SPHKAP: variants seen among roughly 807,000 people sequenced by gnomAD.
SPHKAP encodes the protein A-kinase anchor protein SPHKAP.
In SPHKAP, 67 loss-of-function variants were observed where a neutral mutation model predicts 137.5. The ratio of observed to expected loss-of-function variants is 0.49; its 90% CI spans 0.40 to 0.60. The LOEUF (loss-of-function observed/expected upper bound fraction) is 0.60. Ranked by LOEUF, SPHKAP falls within the 20% of genes least tolerant of loss-of-function variation. The pLI is 0.00. For missense variants in SPHKAP, 2,097 were observed against 2,069.3 expected (o/e 1.01, Z -0.26); for synonymous variants, 813 against 785.3 (o/e 1.04, Z -0.59).
rs181554757 is a variant in SPHKAP, at chr2:228,001,250, C to T, written c.4449-5556G>A. Among the ~76,000 whole-genome samples the T allele has an allele frequency of 5.1e-3, 504 of 98,022 alleles. 2 individuals carry two copies. Among genetic ancestry groups the T allele is most frequent in the South Asian group, 0.031 (75 of 2,398 alleles). 64.3% of individuals were successfully genotyped at this position (98,022 alleles called of 152,430 possible). A position where few individuals can be genotyped will look rare whatever the true frequency, so the allele number is the denominator to read the frequency against. ...ATAAACATATATATATATATATATA[C>T]ACACACACACACATATATAAATATA... On this transcript the variant is annotated intron_variant, in intron 7 of 11. Transcript: ENST00000392056.
At chr2:228,020,656 T>G (rs1022386716) in intron 6 of SPHKAP, among the ~76,000 whole-genome samples, 1 of 152,154 alleles carries the variant, frequency 6.6e-6, no homozygotes, top group South Asian at 2.1e-4. Context: ...ACATGGCACA[T>G]GTATACATAT....
intron 1 of SPHKAP, among the ~76,000 whole-genome samples, chr2:228,139,173 T>C (rs1399174551): frequency 1.3e-5 from 2 of 152,160 alleles, no homozygotes; most frequent in Admixed American, 1.3e-4. Flanking sequence ...TTTGTAAATA[T>C]CAACAGCGGA....
chr2:228,159,027 C>A (rs1424980305), intron 1 of SPHKAP, among the ~76,000 whole-genome samples: 1 of 152,096 alleles, frequency 6.6e-6, no homozygotes, highest in African/African-American at 2.4e-5. Context: ...GAAACCAAGA[C>A]TGAGGGATGA....
chr2:228,136,906 A>C lies in SPHKAP; in HGVS notation c.33-4821T>G, dbSNP rs564648628. On this transcript the variant is annotated intron_variant, in intron 1 of 11. Transcript: ENST00000392056. ...TTTAGGAATATTCTACCTAGTCCCC[A>C]CCTTCCCTTCTTGATAATTCCTACT... 3.9e-5 allele frequency among the ~76,000 whole-genome samples: 6 copies of C among 152,068 alleles called. No homozygotes were observed. In the South Asian group the frequency reaches 8.3e-4, roughly 21 times the overall value.
intron 1 of SPHKAP, among the ~76,000 whole-genome samples, chr2:228,178,403 A>G (rs1700799892): frequency 6.6e-6 from 1 of 152,192 alleles, no homozygotes; most frequent in Non-Finnish European, 1.5e-5. Context: ...AATATATTAG[A>G]TAACACTTGA....
At chr2:228,015,974 ATAT>A (rs1387522345) in intron 7 of SPHKAP, among the ~76,000 whole-genome samples, 3 of 152,124 alleles carry the variant, frequency 2.0e-5, no homozygotes, top group Non-Finnish European at 4.4e-5. Context: ...TATACTATTA[ATAT>A]TATTATTTGC....
chr2:228,027,614 G>A (rs1695094878), intron 3 of SPHKAP, 71 bp from the exon 4 acceptor site: 3 of 1,463,394 alleles, frequency 2.1e-6, no homozygotes, highest in Non-Finnish European at 2.9e-6. Context: ...AAAGAAAGCA[G>A]GAATCAGTTG....
intron 1 of SPHKAP, among the ~76,000 whole-genome samples, chr2:228,163,141 C>T (rs1283098872): frequency 6.6e-6 from 1 of 152,172 alleles, no homozygotes; most frequent in African/African-American, 2.4e-5. Flanking sequence ...GAGCAGAAAG[C>T]AATTGCATGT....
intron 3 of SPHKAP, among the ~76,000 whole-genome samples, chr2:228,106,251 A>T (rs1698342701): frequency 6.6e-6 from 1 of 152,188 alleles, no homozygotes; most frequent in Non-Finnish European, 1.5e-5. Context: ...ACATACTGAG[A>T]TCAAAGAAAC....
intron 3 of SPHKAP, among the ~76,000 whole-genome samples, chr2:228,087,762 G>A (rs1345056196): frequency 2.6e-5 from 4 of 152,068 alleles, no homozygotes; most frequent in Non-Finnish European, 5.9e-5. Flanking sequence ...GTAAAACAGA[G>A]AAAAAATAGA....
At chr2:228,066,604 C>G (rs2106294826) in intron 3 of SPHKAP, among the ~76,000 whole-genome samples, 1 of 152,304 alleles carries the variant, frequency 6.6e-6, no homozygotes, top group African/African-American at 2.4e-5. Flanking sequence ...CCCCTGAGCC[C>G]CCGGCTGCGT....
intron 11 of SPHKAP, among the ~76,000 whole-genome samples, chr2:227,985,731 G>T (rs1693186834): frequency 2.6e-5 from 4 of 152,150 alleles, no homozygotes; most frequent in Admixed American, 2.6e-4. Context: ...TAAGATAGGA[G>T]ATAACTTTTA....
Position 228,025,359 on chromosome 2 carries a change from G to A in SPHKAP, c.441+35C>T, listed in dbSNP as rs201080772. The A allele has an allele frequency of 5.0e-6, 8 of 1,611,628 alleles. No individual in the cohort carries two copies. In the East Asian group the frequency reaches 8.9e-5, roughly 18 times the overall value. Reference sequence around the variant, plus strand: ...GATCTGTGCTGAGCTAACTATAGATGTAAGTAAATGGCTTATCAAGAACTT... The same window carrying A: ...GATCTGTGCTGAGCTAACTATAGATATAAGTAAATGGCTTATCAAGAACTT... On this transcript the variant is annotated intron_variant, in intron 5 of 11. Transcript: ENST00000392056.
At chr2:228,085,734 A>G (rs1375667805) in intron 3 of SPHKAP, among the ~76,000 whole-genome samples, 1 of 152,324 alleles carries the variant, frequency 6.6e-6, no homozygotes, top group African/African-American at 2.4e-5. Flanking sequence ...GACCTCCGTT[A>G]CAGGTTTTCA....
intron 3 of SPHKAP, among the ~76,000 whole-genome samples, chr2:228,030,543 C>CAAAAAAAAAAAAAAAAAAAAAAAAAA (rs1553615001): frequency 1.3e-5 from 1 of 78,724 alleles, no homozygotes. Flanking sequence ...CAACAAAAAA[C>CAAAAAAAAAAAAAAAAAAAAAAAAAA]AAAAAAAAAA....
At chr2:228,109,837 C>T (rs936372901) in intron 2 of SPHKAP, among the ~76,000 whole-genome samples, 15 of 151,082 alleles carry the variant, frequency 9.9e-5, no homozygotes, top group African/African-American at 9.7e-5. Flanking sequence ...CGTGGTGGTG[C>T]GCCCCTGTAA....
intron 3 of SPHKAP, among the ~76,000 whole-genome samples, chr2:228,097,153 G>A (rs533916081): frequency 6.6e-6 from 1 of 152,186 alleles, no homozygotes; most frequent in African/African-American, 2.4e-5. Context: ...GTTTATTATT[G>A]TTTTTCTTGA....
chr2:228,107,934 G>T (rs957759518), intron 3 of SPHKAP, among the ~76,000 whole-genome samples: 9 of 152,130 alleles, frequency 5.9e-5, no homozygotes, highest in African/African-American at 2.2e-4. Context: ...GTATTTCTGT[G>T]CAGTGTGAAA....
At chr2:228,002,327 T>G (rs1693940169) in intron 7 of SPHKAP, among the ~76,000 whole-genome samples, 2 of 152,236 alleles carry the variant, frequency 1.3e-5, no homozygotes, top group African/African-American at 4.8e-5. Flanking sequence ...CCAGTGATGA[T>G]AAGCATTTTT....
Sources: allele counts gnomAD v4.1 joint callset (sites outside exome capture counted in the v4.1 genomes callset), GRCh38; gene constraint gnomAD v4.1.1; transcripts MANE v1.5; gene names NCBI Gene and HGNC (gene_info 2026-07-23, HGNC 2026-07-21).